SUSD6: variants seen among roughly 807,000 people sequenced by gnomAD.
SUSD6 encodes the protein sushi domain containing 6.
Under a neutral mutation model 28.4 loss-of-function variants are expected in SUSD6, and 16 were observed. The observed-to-expected ratio is 0.56, with a 90% CI of 0.38 to 0.86. The LOEUF (loss-of-function observed/expected upper bound fraction) is 0.86. SUSD6 is among the 40% of genes least tolerant of loss of function. The pLI is 0.00. For missense variants in SUSD6, 341 were observed against 384.2 expected, an observed-to-expected ratio of 0.89 and a Z score of 0.94; for synonymous variants, 147 against 159.6, an observed-to-expected ratio of 0.92 and a Z score of 0.59.
chr14:69,649,354 G>A lies in SUSD6; in HGVS notation c.-80-9159G>A, dbSNP rs775589755. ...GGACTTTATTTGCCAACTGGGTATT[G>A]AAGCCTGTTCCACTCAGCCCTGATG... On this transcript the variant is annotated intron_variant, in intron 1 of 5. Coordinates refer to ENST00000342745, the MANE Select transcript of SUSD6 (RefSeq NM_014734.4). Among the ~76,000 whole-genome samples, 20 of 152,236 alleles carry A rather than the reference G, an allele frequency of 1.3e-4. 1 individual carries two copies. In the South Asian group the frequency reaches 2.1e-3, roughly 16 times the overall value.
chr14:69,677,102 G>A (rs541397791), intron 2 of SUSD6, among the ~76,000 whole-genome samples: 5 of 152,298 alleles, frequency 3.3e-5, no homozygotes, highest in Admixed American at 6.5e-5. Context: ...GGAGGAATGG[G>A]GACAGTGGAT....
At chr14:69,629,552 CT>C (rs558116630) in intron 1 of SUSD6, among the ~76,000 whole-genome samples, 40 of 152,342 alleles carry the variant, frequency 2.6e-4, no homozygotes, top group African/African-American at 9.6e-4. Context: ...TTAAGGGGCA[CT>C]TCTGCTGTTT....
At chr14:69,662,358 GT>G (rs1412792868) in intron 2 of SUSD6, among the ~76,000 whole-genome samples, 2 of 152,138 alleles carry the variant, frequency 1.3e-5, no homozygotes, top group Admixed American at 6.5e-5. Context: ...AAATATCACA[GT>G]TTTGATCACA....
chr14:69,700,761 A>G (rs918960227), intron 2 of SUSD6, among the ~76,000 whole-genome samples: 1 of 152,234 alleles, frequency 6.6e-6, no homozygotes, highest in Admixed American at 6.5e-5. Context: ...ATAAATTTGT[A>G]TATAGAGTAT....
intron 1 of SUSD6, among the ~76,000 whole-genome samples, chr14:69,630,161 C>T (rs11623812): frequency 0.047 from 7,107 of 152,220 alleles, 205 homozygotes; most frequent in East Asian, 0.15. Context: ...TTTATAGCAA[C>T]TTTGAAGTAG....
intron 2 of SUSD6, among the ~76,000 whole-genome samples, chr14:69,675,350 TG>T (rs1885891714): frequency 6.6e-6 from 1 of 152,200 alleles, no homozygotes; most frequent in Non-Finnish European, 1.5e-5. Flanking sequence ...ACAGACTGCC[TG>T]GGGTGTGTGC....
intron 1 of SUSD6, among the ~76,000 whole-genome samples, chr14:69,646,600 G>A (rs1885429497): frequency 1.3e-5 from 2 of 151,268 alleles, no homozygotes; most frequent in African/African-American, 4.9e-5. Context: ...TATGTTCCCT[G>A]ACCAAACCTG....
At chr14:69,650,175 G>A (rs1885482378) in intron 1 of SUSD6, among the ~76,000 whole-genome samples, 1 of 152,106 alleles carries the variant, frequency 6.6e-6, no homozygotes, top group Non-Finnish European at 1.5e-5. Flanking sequence ...CTAGTCTCAG[G>A]CAGTGTTTCC....
At chr14:69,670,737 G>A (rs1462145133) in intron 2 of SUSD6, among the ~76,000 whole-genome samples, 2 of 152,224 alleles carry the variant, frequency 1.3e-5, no homozygotes, top group Non-Finnish European at 2.9e-5. Context: ...TATCATCATC[G>A]TTGTTAAAAT....
In SUSD6 at chr14:69,658,564, C is replaced by A. The variant is rs769155399; in HGVS notation, c.-29C>A. 15 of 1,611,676 alleles carry A rather than the reference C, an allele frequency of 9.3e-6. No individual in the cohort carries two copies. The highest frequency in any genetic ancestry group is 1.3e-5 in the Non-Finnish European group (15 of 1,179,046). On this transcript the variant is annotated 5_prime_UTR_variant, in exon 2 of 6. Transcript: ENST00000342745. ...GATTCTTCTGGATTTTAAATTTTTT[C>A]TTTTTAAAAAAACTTGGACGGATAA...
intron 1 of SUSD6, among the ~76,000 whole-genome samples, chr14:69,656,896 C>T (rs189673646): frequency 3.9e-5 from 6 of 152,370 alleles, no homozygotes; most frequent in Admixed American, 3.9e-4. Flanking sequence ...TCACAGACTC[C>T]ATCCCAGACC....
intron 1 of SUSD6, among the ~76,000 whole-genome samples, chr14:69,637,912 C>T (rs547092579): frequency 1.2e-4 from 18 of 152,236 alleles, no homozygotes; most frequent in Middle Eastern, 3.4e-3. Context: ...CTTCTCCCCA[C>T]GTTCTATCTT....
At chr14:69,693,982 T>C (rs1242619800) in intron 2 of SUSD6, among the ~76,000 whole-genome samples, 1 of 152,270 alleles carries the variant, frequency 6.6e-6, no homozygotes. Flanking sequence ...TTGTGGCTCA[T>C]TGCAGTTGAA....
At chr14:69,622,998 A>G (rs1885063895) in intron 1 of SUSD6, among the ~76,000 whole-genome samples, 1 of 152,226 alleles carries the variant, frequency 6.6e-6, no homozygotes, top group Non-Finnish European at 1.5e-5. Flanking sequence ...TATGGCAGCA[A>G]CTGTACTTGT....
chr14:69,645,850 A>G (rs966986735), intron 1 of SUSD6, among the ~76,000 whole-genome samples: 5 of 151,946 alleles, frequency 3.3e-5, no homozygotes, highest in African/African-American at 7.3e-5. Flanking sequence ...CCCTGCTTCA[A>G]GCGATTCTCC....
chr14:69,662,544 G>A (rs1218413056), intron 2 of SUSD6, among the ~76,000 whole-genome samples: 1 of 152,152 alleles, frequency 6.6e-6, no homozygotes, highest in Admixed American at 6.5e-5. Context: ...CTTTAAATGG[G>A]GAGAATTATT....
intron 1 of SUSD6, among the ~76,000 whole-genome samples, chr14:69,644,611 C>A: frequency 6.6e-6 from 1 of 151,926 alleles, no homozygotes; most frequent in Non-Finnish European, 1.5e-5. Flanking sequence ...CCACTGCACT[C>A]CAGCCTTGCG....
intron 4 of SUSD6, among the ~76,000 whole-genome samples, chr14:69,705,328 A>C (rs898650173): frequency 2.8e-5 from 4 of 142,162 alleles, no homozygotes; most frequent in Admixed American, 1.4e-4. Context: ...ATTAAAAAAA[A>C]AAAACAAAAA....
rs1886509595 is a variant in SUSD6 at position 69,713,999 on chromosome 14, CTT to C, written c.*3023_*3024del. The C allele has an allele frequency of 6.6e-6, 1 of 152,076 alleles. No individual in the cohort carries two copies. The highest frequency in any genetic ancestry group is 2.4e-5 in the African/African-American group (1 of 41,410). The allele number at this position is 152,076 out of a possible 1,614,324, so 9.4% of individuals were successfully genotyped here. A position where few individuals can be genotyped will look rare whatever the true frequency, so the allele number is the denominator to read the frequency against. On this transcript the variant is annotated 3_prime_UTR_variant, in exon 6 of 6. Coordinates refer to ENST00000342745, the MANE Select transcript of SUSD6 (RefSeq NM_014734.4). Reference sequence around the variant, plus strand: ...CCTTAGTTTAGCAGGTAGGCTCTATCTTTTGCCATTTCTGTATTTTATGTGCT... The same window carrying C: ...CCTTAGTTTAGCAGGTAGGCTCTATCTTGCCATTTCTGTATTTTATGTGCT...
Sources: allele counts gnomAD v4.1 joint callset (sites outside exome capture counted in the v4.1 genomes callset), GRCh38; gene constraint gnomAD v4.1.1; transcripts MANE v1.5; gene names NCBI Gene and HGNC (gene_info 2026-07-23, HGNC 2026-07-21).